RANBP2: variants seen among roughly 807,000 people sequenced by gnomAD.
RANBP2 encodes RAN binding protein 2.
Under a neutral mutation model 303.6 loss-of-function variants are expected in RANBP2, and 57 were observed. The ratio of observed to expected loss-of-function variants is 0.19; its 90% CI spans 0.15 to 0.23. The LOEUF is 0.23. RANBP2 is among the 10% of genes least tolerant of loss of function. The pLI is 1.00. For synonymous variants in RANBP2, 1,167 were observed against 1,301.5 expected (o/e 0.90, Z 2.23); for missense variants, 3,138 against 3,780.8 (o/e 0.83, Z 4.46).
At chr2:109,470,090 C>T in the RANBP2 span, among the ~76,000 whole-genome samples, 335 of 152,336 alleles carry the variant, frequency 2.2e-3, 1 homozygote, top group Non-Finnish European at 3.1e-3. Context: ...ACAGAGCTGT[C>T]TTCTGGCTAA....
chr2:108,733,104 G>A (rs1285071751), intron 4 of RANBP2, among the ~76,000 whole-genome samples: 2 of 152,132 alleles, frequency 1.3e-5, no homozygotes, highest in Non-Finnish European at 2.9e-5. Context: ...GATTACAGGC[G>A]TGAGCCACTG....
At chr2:109,528,517 G>A in the RANBP2 span, among the ~76,000 whole-genome samples, 3 of 152,212 alleles carry the variant, frequency 2.0e-5, no homozygotes, top group Admixed American at 6.5e-5. Context: ...CCAGGACCCC[G>A]CTGGAAGGGA....
chr2:109,597,586 T>C, the RANBP2 span, among the ~76,000 whole-genome samples: 3 of 152,208 alleles, frequency 2.0e-5, no homozygotes, highest in Non-Finnish European at 2.9e-5. Flanking sequence ...ACACAGTCAA[T>C]TTGCTTTTCC....
the RANBP2 span, chr2:109,618,362 ATC>A: frequency 6.0e-6 from 1 of 167,058 alleles, no homozygotes; most frequent in Non-Finnish European, 1.5e-5. Context: ...AGTCAGTATT[ATC>A]TCTTAAATGT....
At chr2:109,332,838 T>C in the RANBP2 span, among the ~76,000 whole-genome samples, 1 of 152,218 alleles carries the variant, frequency 6.6e-6, no homozygotes, top group African/African-American at 2.4e-5. Context: ...AGTATGTTAA[T>C]TGTGTCCTCA....
At chr2:108,772,770 T>C in intron 22 of RANBP2, 98 bp from the exon 23 acceptor site, 1 of 1,347,978 alleles carries the variant, frequency 7.4e-7, no homozygotes, top group Non-Finnish European at 1.0e-6. Flanking sequence ...GTACAGGTCT[T>C]GTTACCTGGG....
the RANBP2 span, among the ~76,000 whole-genome samples, chr2:109,509,946 A>G: frequency 1.3e-5 from 2 of 152,178 alleles, no homozygotes; most frequent in African/African-American, 4.8e-5. Context: ...CTATAGGGCA[A>G]AGTACTAAGG....
At chr2:109,152,898 G>A in the RANBP2 span, among the ~76,000 whole-genome samples, 1 of 152,188 alleles carries the variant, frequency 6.6e-6, no homozygotes, top group East Asian at 1.9e-4. Context: ...TGTTCTCGAT[G>A]GAGGCACGCA....
At chr2:109,291,691 G>A in the RANBP2 span, among the ~76,000 whole-genome samples, 3 of 152,102 alleles carry the variant, frequency 2.0e-5, no homozygotes, top group Non-Finnish European at 2.9e-5. Context: ...GCCTTAAGTC[G>A]CTCCTCTTTG....
intron 9 of RANBP2, among the ~76,000 whole-genome samples, chr2:108,749,454 G>A (rs1330864882): frequency 1.3e-5 from 2 of 151,964 alleles, no homozygotes; most frequent in East Asian, 1.9e-4. Flanking sequence ...CCGCCATCAC[G>A]CCCGGCTAAT....
At chr2:109,552,885 TAA>T in the RANBP2 span, 3 of 545,008 alleles carry the variant, frequency 5.5e-6, no homozygotes, top group Non-Finnish European at 6.2e-6. Flanking sequence ...TGTACTGCTT[TAA>T]AAAAAAAGAA....
chr2:109,626,028 C>T, the RANBP2 span, among the ~76,000 whole-genome samples: 2 of 152,144 alleles, frequency 1.3e-5, no homozygotes, highest in African/African-American at 2.4e-5. Flanking sequence ...ATATATTTGT[C>T]TACTACATTT....
chr2:109,747,741 CT>C, the RANBP2 span, among the ~76,000 whole-genome samples: 5,041 of 130,444 alleles, frequency 0.039, 244 homozygotes, highest in East Asian at 0.16. Flanking sequence ...AAAACCCTGT[CT>C]CAAAAAAAAA....
At chr2:108,912,008 T>C in the RANBP2 span, among the ~76,000 whole-genome samples, 1 of 152,232 alleles carries the variant, frequency 6.6e-6, no homozygotes, top group South Asian at 2.1e-4. Context: ...ATGAGATTCA[T>C]ATATCCTCGC....
chr2:108,747,025 CTCTT>C (rs1696569842), intron 8 of RANBP2, among the ~76,000 whole-genome samples: 1 of 152,192 alleles, frequency 6.6e-6, no homozygotes, highest in Admixed American at 6.5e-5. Context: ...GATTTCTTAA[CTCTT>C]TCTTTATCTG....
chr2:109,761,602 A>T, the RANBP2 span, among the ~76,000 whole-genome samples: 1 of 145,122 alleles, frequency 6.9e-6, no homozygotes, highest in South Asian at 2.4e-4. Context: ...TAAAAATCCC[A>T]TTGGCTGCTT....
At chr2:109,173,295 T>G in the RANBP2 span, among the ~76,000 whole-genome samples, 2 of 152,204 alleles carry the variant, frequency 1.3e-5, no homozygotes, top group Non-Finnish European at 2.9e-5. Context: ...CTCCTGAGCC[T>G]GCACTTGCGT....
At chr2:109,289,817 C>T in the RANBP2 span, among the ~76,000 whole-genome samples, 3 of 152,026 alleles carry the variant, frequency 2.0e-5, no homozygotes, top group Non-Finnish European at 4.4e-5. Context: ...CTGGGGAAAT[C>T]GGGAAATCAA....
the RANBP2 span, among the ~76,000 whole-genome samples, chr2:108,804,376 T>G: frequency 6.6e-6 from 1 of 152,202 alleles, no homozygotes; most frequent in Middle Eastern, 3.2e-3. Context: ...AATTTTATTA[T>G]GTATCTAACA....
Sources: allele counts gnomAD v4.1 joint callset (sites outside exome capture counted in the v4.1 genomes callset), GRCh38; gene constraint gnomAD v4.1.1; transcripts MANE v1.5; gene names NCBI Gene and HGNC (gene_info 2026-07-23, HGNC 2026-07-21).